CACNA2D3: variants seen among roughly 807,000 people sequenced by gnomAD.
The protein encoded by CACNA2D3 is voltage-dependent calcium channel subunit alpha-2/delta-3.
CACNA2D3 carries 60 observed loss-of-function variants against 160.6 expected under a neutral mutation model. That is an observed-to-expected ratio of 0.37 (90% CI 0.30 to 0.46). The LOEUF (loss-of-function observed/expected upper bound fraction) is 0.46. CACNA2D3 is among the 20% of genes least tolerant of loss of function. CACNA2D3 has a pLI of 1.00. For missense variants in CACNA2D3, 1,205 were observed against 1,365.0 expected, an observed-to-expected ratio of 0.88 and a Z score of 1.85; for synonymous variants, 558 against 492.9, an observed-to-expected ratio of 1.13 and a Z score of -1.75.
chr3:54,552,129 T>TAG (rs1702168655), intron 5 of CACNA2D3, among the ~76,000 whole-genome samples: 1 of 152,140 alleles, frequency 6.6e-6, no homozygotes, highest in African/African-American at 2.4e-5. Flanking sequence ...CAAATGCTGA[T>TAG]AGTGATGCAG....
At chr3:54,783,328 G>A (rs960222313) in intron 13 of CACNA2D3, among the ~76,000 whole-genome samples, 1 of 152,040 alleles carries the variant, frequency 6.6e-6, no homozygotes, top group East Asian at 1.9e-4. Flanking sequence ...GGAGCCAGCC[G>A]GGCACGGTGG....
chr3:54,407,704 T>G (rs1214819811), intron 4 of CACNA2D3, among the ~76,000 whole-genome samples: 2 of 152,138 alleles, frequency 1.3e-5, no homozygotes, highest in African/African-American at 4.8e-5. Context: ...TATTTGGTGG[T>G]CACATGTTAT....
intron 14 of CACNA2D3, among the ~76,000 whole-genome samples, chr3:54,821,697 T>TTCCTTTCTTTCTTTCCTTCC (rs1553873684): frequency 1.2e-5 from 1 of 84,096 alleles, no homozygotes. Context: ...TCTTTCTTTC[T>TTCCTTTCTTTCTTTCCTTCC]TTCCTTCCTT....
At position 54,582,019 on chromosome 3, in the gene CACNA2D3, AAG is replaced by A. The variant is rs375676364; in HGVS notation, c.963+145_963+146del. The A allele has an allele frequency of 3.4e-5, 21 of 614,278 alleles. 1 individual carries two copies. The highest frequency in any genetic ancestry group is 3.6e-4 in the Middle Eastern group (1 of 2,770). The allele number at this position is 614,278 out of a possible 1,614,324, so 38.1% of individuals were successfully genotyped here. A position where few individuals can be genotyped will look rare whatever the true frequency, so the allele number is the denominator to read the frequency against. On this transcript the variant is annotated intron_variant, in intron 9 of 37. Coordinates refer to ENST00000474759, the MANE Select transcript of CACNA2D3 (RefSeq NM_018398.3). ...AGCCCCCATGTGTAGAATATTTATT[AAG>A]AGCACAAAGAAAATCATGGCACTAA...
intron 2 of CACNA2D3, among the ~76,000 whole-genome samples, chr3:54,302,886 C>A (rs1436698364): frequency 6.6e-6 from 1 of 152,010 alleles, no homozygotes; most frequent in African/African-American, 2.4e-5. Flanking sequence ...CTCTTGCCCT[C>A]TGTTATTGAG....
At chr3:54,905,349 G>A (rs1030703403) in intron 27 of CACNA2D3, among the ~76,000 whole-genome samples, 3 of 152,140 alleles carry the variant, frequency 2.0e-5, no homozygotes, top group Non-Finnish European at 4.4e-5. Flanking sequence ...CAAGTATGTG[G>A]TATTTAATCT....
At chr3:54,737,460 C>T (rs950816189) in intron 11 of CACNA2D3, among the ~76,000 whole-genome samples, 4 of 151,966 alleles carry the variant, frequency 2.6e-5, no homozygotes, top group African/African-American at 9.7e-5. Flanking sequence ...TGTGCAAAGG[C>T]CCTGTGACAG....
intron 2 of CACNA2D3, chr3:54,177,783 C>T (rs1219587114): frequency 6.6e-6 from 1 of 152,144 alleles, no homozygotes; most frequent in Non-Finnish European, 1.5e-5. Flanking sequence ...TGGTTGGATT[C>T]CTGCTTCTTT....
intron 4 of CACNA2D3, among the ~76,000 whole-genome samples, chr3:54,436,756 A>G (rs1289986043): frequency 6.6e-6 from 1 of 152,208 alleles, no homozygotes; most frequent in Admixed American, 6.5e-5. Flanking sequence ...AGGGAGGGCA[A>G]CATCACACCC....
At chr3:54,468,449 T>A (rs1700667881) in intron 4 of CACNA2D3, among the ~76,000 whole-genome samples, 1 of 152,180 alleles carries the variant, frequency 6.6e-6, no homozygotes, top group Admixed American at 6.5e-5. Flanking sequence ...ACCAGGAGAT[T>A]CCCTCGGGTG....
chr3:54,969,827 A>G lies in CACNA2D3; in HGVS notation c.2539A>G (p.Ile847Val), dbSNP rs1277404365. The G allele has an allele frequency of 2.5e-6, 4 of 1,613,364 alleles. No individual in the cohort carries two copies. In the African/African-American group the frequency reaches 5.3e-5, roughly 22 times the overall value. Residue 847 changes from isoleucine to valine, a missense_variant, in exon 29 of 38, where the codon ATC becomes GTC. Physicochemically the swap from Ile to Val is conservative, Grantham distance 29. Transcript: ENST00000474759. ...TGCTTCCCTGGATGGCAAATGCTCC[A>G]TCAGCTGTGATGATGAGGTAAGACG... ...QCASLDGKCS[I>V]SCDDETVNCY...
chr3:54,801,368 T>C (rs1248246294), intron 13 of CACNA2D3, among the ~76,000 whole-genome samples: 2 of 151,674 alleles, frequency 1.3e-5, no homozygotes, highest in East Asian at 1.9e-4. Flanking sequence ...TTGCTCAGAG[T>C]GTAACTTGGG....
intron 35 of CACNA2D3, among the ~76,000 whole-genome samples, chr3:55,041,422 G>A (rs1188552803): frequency 1.3e-5 from 2 of 152,002 alleles, no homozygotes; most frequent in Non-Finnish European, 2.9e-5. Context: ...TTGCCAGTGG[G>A]GGCATTATCA....
chr3:54,391,254 T>C (rs1237739211), intron 4 of CACNA2D3, among the ~76,000 whole-genome samples: 2 of 152,360 alleles, frequency 1.3e-5, no homozygotes, highest in African/African-American at 4.8e-5. Context: ...TTATTTTCCA[T>C]TTAAATTCCC....
chr3:54,450,306 T>C (rs1373343859), intron 4 of CACNA2D3, among the ~76,000 whole-genome samples: 2 of 152,238 alleles, frequency 1.3e-5, no homozygotes, highest in Admixed American at 6.5e-5. Flanking sequence ...CTACAACATA[T>C]TGCCTTTTGG....
intron 16 of CACNA2D3, among the ~76,000 whole-genome samples, chr3:54,840,487 T>C (rs1698795352): frequency 7.6e-6 from 1 of 132,110 alleles, no homozygotes. Context: ...CTCAGCTCAC[T>C]GCAACCTCCA....
At chr3:54,300,486 G>A (rs1703448359) in intron 2 of CACNA2D3, among the ~76,000 whole-genome samples, 1 of 152,242 alleles carries the variant, frequency 6.6e-6, no homozygotes, top group Non-Finnish European at 1.5e-5. Context: ...GGGCTGTGCT[G>A]CTGAACGGAG....
At position 54,285,438 on chromosome 3, in the gene CACNA2D3, G is replaced by A. The variant is rs535874094; in HGVS notation, c.205-35004G>A. On this transcript the variant is annotated intron_variant, in intron 2 of 37. Coordinates refer to ENST00000474759, the MANE Select transcript of CACNA2D3 (RefSeq NM_018398.3). ...GGTAAACAAAACAGCCGGGAAGCTCGAACTGGGTGGAGCCCACCACAGCTC... is the reference window on the plus strand; with the variant it reads ...GGTAAACAAAACAGCCGGGAAGCTCAAACTGGGTGGAGCCCACCACAGCTC... Among the ~76,000 whole-genome samples the A allele has an allele frequency of 3.9e-5, 6 of 152,332 alleles. No individual in the cohort carries two copies. The East Asian group carries it at 5.8e-4, about 15-fold the overall frequency.
chr3:54,786,734 C>T (rs1468831194), intron 13 of CACNA2D3, among the ~76,000 whole-genome samples: 1 of 152,184 alleles, frequency 6.6e-6, no homozygotes, highest in African/African-American at 2.4e-5. Flanking sequence ...TGTAATTTCA[C>T]ACCCATCTGA....
Sources: allele counts gnomAD v4.1 joint callset (sites outside exome capture counted in the v4.1 genomes callset), GRCh38; gene constraint gnomAD v4.1.1; transcripts MANE v1.5; gene names NCBI Gene and HGNC (gene_info 2026-07-23, HGNC 2026-07-21).